Variants in PAPPA observed in about 807,000 individuals in gnomAD.
PAPPA encodes pappalysin-1.
PAPPA carries 60 observed loss-of-function variants against 164.0 expected under a neutral mutation model. The ratio of observed to expected loss-of-function variants is 0.37; its 90% CI spans 0.30 to 0.45. PAPPA has a LOEUF of 0.45. Ranked by LOEUF, PAPPA falls within the 20% of genes least tolerant of loss-of-function variation. The pLI, the probability that PAPPA is intolerant of heterozygous loss-of-function variation, is 1.00. For missense variants in PAPPA, 1,782 were observed against 2,087.3 expected (o/e 0.85, Z 2.85); for synonymous variants, 875 against 814.1 (o/e 1.07, Z -1.27).
Position 116,369,196 on chromosome 9 carries a change from C to G in PAPPA, c.4605+1442C>G, listed in dbSNP as rs146950157. Among the ~76,000 whole-genome samples, 267 of 152,150 alleles carry G rather than the reference C, an allele frequency of 1.8e-3. 1 individual carries two copies. Among genetic ancestry groups the G allele is most frequent in the African/African-American group, 6.1e-3 (255 of 41,494 alleles). ...GACTCTCTGCATATCTACAAGACAG[C>G]CCTATTTCCCAAACCTCAAGCTCTT... On this transcript the variant is annotated intron_variant, in intron 19 of 21. Coordinates refer to ENST00000328252, the MANE Select transcript of PAPPA (RefSeq NM_002581.5).
chr9:116,392,175 C>G (rs1846901779), intron 21 of PAPPA, among the ~76,000 whole-genome samples: 1 of 152,166 alleles, frequency 6.6e-6, no homozygotes, highest in Admixed American at 6.5e-5. Context: ...AGCTCAGTGC[C>G]AGGCACATAA....
intron 9 of PAPPA, among the ~76,000 whole-genome samples, chr9:116,288,240 G>A (rs1206401252): frequency 5.3e-5 from 8 of 152,026 alleles, no homozygotes; most frequent in Admixed American, 4.6e-4. Context: ...GTAGTGGTCC[G>A]TGCCTGTAAT....
At chr9:116,230,891 A>G (rs1394516595) in intron 6 of PAPPA, among the ~76,000 whole-genome samples, 2 of 152,210 alleles carry the variant, frequency 1.3e-5, no homozygotes, top group Non-Finnish European at 2.9e-5. Context: ...CAAGTATAAA[A>G]TAGATCCCAA....
intron 10 of PAPPA, among the ~76,000 whole-genome samples, chr9:116,325,878 C>T (rs78229505): frequency 0.011 from 1,728 of 152,242 alleles, 26 homozygotes; most frequent in African/African-American, 0.038. Context: ...TTTTCATAAA[C>T]GTGTTGCTCC....
chr9:116,280,801 C>CT (rs1845256916), intron 9 of PAPPA, among the ~76,000 whole-genome samples: 2 of 152,218 alleles, frequency 1.3e-5, no homozygotes, highest in Non-Finnish European at 2.9e-5. Context: ...AACTATGCTC[C>CT]TTTGTTTACA....
At chr9:116,250,921 G>C (rs1456155816) in intron 7 of PAPPA, among the ~76,000 whole-genome samples, 1 of 152,204 alleles carries the variant, frequency 6.6e-6, no homozygotes, top group Non-Finnish European at 1.5e-5. Flanking sequence ...TCATAGAGAA[G>C]TCTCCCTTGT....
intron 3 of PAPPA, among the ~76,000 whole-genome samples, chr9:116,211,295 T>C (rs1844303689): frequency 1.3e-5 from 2 of 152,204 alleles, no homozygotes; most frequent in Admixed American, 1.3e-4. Context: ...AAGGGAAAGG[T>C]TGCAGCAGAA....
intron 1 of PAPPA, among the ~76,000 whole-genome samples, chr9:116,168,961 G>T (rs767464496): frequency 6.6e-6 from 1 of 152,106 alleles, no homozygotes; most frequent in Non-Finnish European, 1.5e-5. Context: ...TAGTCATGTC[G>T]GTGAGGGCTG....
At chr9:116,256,746 A>G (rs1844932505) in intron 7 of PAPPA, among the ~76,000 whole-genome samples, 2 of 152,004 alleles carry the variant, frequency 1.3e-5, no homozygotes, top group Admixed American at 1.3e-4. Context: ...AATGCATGAC[A>G]TTGTGATATT....
intron 4 of PAPPA, among the ~76,000 whole-genome samples, chr9:116,217,149 T>G (rs926203312): frequency 2.6e-5 from 4 of 152,202 alleles, no homozygotes; most frequent in Admixed American, 6.5e-5. Context: ...TGGTTCCATT[T>G]TAAGTTATAA....
At chr9:116,163,288 G>T (rs848272) in intron 1 of PAPPA, among the ~76,000 whole-genome samples, 1 of 152,216 alleles carries the variant, frequency 6.6e-6, no homozygotes, top group Non-Finnish European at 1.5e-5. Flanking sequence ...CTGTGTGGGA[G>T]TGGGGATGCA....
intron 1 of PAPPA, among the ~76,000 whole-genome samples, chr9:116,157,607 G>GGT (rs1047734672): frequency 4.6e-5 from 7 of 151,854 alleles, no homozygotes; most frequent in Non-Finnish European, 1.0e-4. Context: ...AGAGGGGAGG[G>GGT]GTGTGTGCTG....
intron 15 of PAPPA, among the ~76,000 whole-genome samples, chr9:116,348,867 T>C (rs541131486): frequency 6.6e-5 from 10 of 152,334 alleles, no homozygotes; most frequent in African/African-American, 2.2e-4. Context: ...TATTTCATGG[T>C]GTATATGTAC....
At chr9:116,231,894 T>C (rs370321373) in intron 6 of PAPPA, among the ~76,000 whole-genome samples, 31 of 151,532 alleles carry the variant, frequency 2.0e-4, no homozygotes, top group African/African-American at 6.8e-4. Flanking sequence ...CCTGAGCAGC[T>C]GGGGTTACAG....
At chr9:116,330,420 G>T (rs1334103265) in intron 10 of PAPPA, among the ~76,000 whole-genome samples, 1 of 152,074 alleles carries the variant, frequency 6.6e-6, no homozygotes, top group Non-Finnish European at 1.5e-5. Context: ...GTCCCAGAGT[G>T]TTTGACAAGC....
At position 116,188,222 on chromosome 9, in the gene PAPPA, A is replaced by G. The variant is rs776284305; in HGVS notation, c.1478+6A>G. On this transcript the variant is annotated splice_donor_region_variant and intron_variant, in intron 2 of 21. Coordinates refer to ENST00000328252, the MANE Select transcript of PAPPA (RefSeq NM_002581.5). ...GACCCCGACTCTCCACACAGGTAAG[A>G]CCTTACTGGGCTAAAGATGCCCAGT... The G allele has an allele frequency of 2.5e-6, 4 of 1,594,400 alleles. No homozygotes were observed. Among genetic ancestry groups the G allele is most frequent in the East Asian group, 2.3e-5 (1 of 44,436 alleles).
chr9:116,342,502 G>C (rs1242009696), intron 13 of PAPPA, among the ~76,000 whole-genome samples: 2 of 152,112 alleles, frequency 1.3e-5, no homozygotes, highest in Admixed American at 1.3e-4. Flanking sequence ...CTTTAAAAAA[G>C]TAAATTGGTT....
intron 10 of PAPPA, among the ~76,000 whole-genome samples, chr9:116,327,315 A>C (rs577407538): frequency 6.6e-6 from 1 of 152,302 alleles, no homozygotes; most frequent in South Asian, 2.1e-4. Context: ...AAGGATGGAA[A>C]ACAGTATGGC....
rs189730989 is a variant in PAPPA, at chr9:116,263,293, G to C, written c.2733-2564G>C. Among the ~76,000 whole-genome samples the C allele has an allele frequency of 7.6e-3, 1,151 of 152,216 alleles. 6 individuals are homozygous for C. The highest frequency in any genetic ancestry group is 0.011 in the Non-Finnish European group (779 of 68,006). On this transcript the variant is annotated intron_variant, in intron 7 of 21. Transcript: ENST00000328252. Reference sequence around the variant, plus strand: ...CCCCAGGGTAAAGAGAAACCTTCTGGGATCCAGAATTTTCAGAAGCTGAAA... The same window carrying C: ...CCCCAGGGTAAAGAGAAACCTTCTGCGATCCAGAATTTTCAGAAGCTGAAA...
Sources: allele counts gnomAD v4.1 joint callset (sites outside exome capture counted in the v4.1 genomes callset), GRCh38; gene constraint gnomAD v4.1.1; transcripts MANE v1.5; gene names NCBI Gene and HGNC (gene_info 2026-07-23, HGNC 2026-07-21).